The following TNPO1 variants were observed in gnomAD, a reference collection of about 807,000 sequenced individuals.
TNPO1 encodes transportin-1.
In TNPO1, 8 loss-of-function variants were observed where a neutral mutation model predicts 119.5. The observed-to-expected ratio is 0.07, with a 90% confidence interval of 0.04 to 0.12. The LOEUF (loss-of-function observed/expected upper bound fraction) is 0.12. Among genes scored for constraint, TNPO1 ranks in the 10% least tolerant of loss-of-function variants. The pLI, the probability that TNPO1 is intolerant of heterozygous loss-of-function variation, is 1.00. For missense variants in TNPO1, 576 were observed against 1,089.8 expected (o/e 0.53, Z 6.64); for synonymous variants, 362 against 363.0 (o/e 1.00, Z 0.03).
chr5:72,851,322 A>T lies in TNPO1; in HGVS notation c.205+3A>T. On this transcript the variant is annotated splice_donor_region_variant and intron_variant, in intron 3 of 24. Coordinates refer to ENST00000337273, the MANE Select transcript of TNPO1 (RefSeq NM_002270.4). ...TCTTACAAAATTAAAATCTGAAGGT[A>T]AGTAGGATTTGTATTGATAACTATT... 1 of 1,524,554 alleles carries T rather than the reference A, an allele frequency of 6.6e-7. No individual in the cohort carries two copies. Among genetic ancestry groups the T allele is most frequent in the South Asian group, 1.1e-5 (1 of 87,866 alleles). The allele number at this position is 1,524,554 out of a possible 1,614,324, so 94.4% of individuals were successfully genotyped here. A position where few individuals can be genotyped will look rare whatever the true frequency, so the allele number is the denominator to read the frequency against.
chr5:72,848,620 C>T, intron 2 of TNPO1, 122 bp downstream of exon 2: 1 of 421,502 alleles, frequency 2.4e-6, no homozygotes, highest in Non-Finnish European at 3.9e-6. Context: ...CGAGACCGGC[C>T]TCCTCCCTGG....
chr5:72,879,127 T>C, intron 9 of TNPO1: 1 of 205,040 alleles, frequency 4.9e-6, no homozygotes, highest in Non-Finnish European at 1.0e-5. Flanking sequence ...TTTCCTTTGG[T>C]TCTGGAGACC....
At chr5:72,838,915 T>C (rs1744803213) in intron 1 of TNPO1, among the ~76,000 whole-genome samples, 1 of 152,136 alleles carries the variant, frequency 6.6e-6, no homozygotes, top group Non-Finnish European at 1.5e-5. Flanking sequence ...GTTTTGAAAA[T>C]TAAATGAGGT....
At chr5:72,819,175 G>A (rs1029417232) in intron 1 of TNPO1, among the ~76,000 whole-genome samples, 1 of 152,178 alleles carries the variant, frequency 6.6e-6, no homozygotes, top group African/African-American at 2.4e-5. Context: ...TAACCTGCTA[G>A]AGAAGGTCAA....
At chr5:72,832,542 A>T (rs1744519711) in intron 1 of TNPO1, among the ~76,000 whole-genome samples, 1 of 152,162 alleles carries the variant, frequency 6.6e-6, no homozygotes, top group South Asian at 2.1e-4. Context: ...GGAAATGCCT[A>T]AGAGATGTTG....
chr5:72,840,390 A>G (rs1361529100), intron 1 of TNPO1, among the ~76,000 whole-genome samples: 1 of 152,170 alleles, frequency 6.6e-6, no homozygotes, highest in Non-Finnish European at 1.5e-5. Flanking sequence ...TATTTAAAGA[A>G]TTTAACATAA....
chr5:72,884,746 A>G (rs1580454066), intron 11 of TNPO1, among the ~76,000 whole-genome samples: 1 of 151,048 alleles, frequency 6.6e-6, no homozygotes, highest in East Asian at 1.9e-4. Flanking sequence ...TTTGGGCCAC[A>G]TAATTCTTTT....
intron 24 of TNPO1, among the ~76,000 whole-genome samples, chr5:72,907,051 T>C (rs1386378581): frequency 6.6e-6 from 1 of 152,132 alleles, no homozygotes; most frequent in Non-Finnish European, 1.5e-5. Flanking sequence ...GATTTCACCA[T>C]CCAAGCTGTC....
intron 5 of TNPO1, among the ~76,000 whole-genome samples, chr5:72,863,642 T>C (rs1476604850): frequency 6.6e-6 from 1 of 151,484 alleles, no homozygotes; most frequent in African/African-American, 2.4e-5. Context: ...ATGCCTGTAA[T>C]CTCAGCTACT....
chr5:72,863,975 A>G (rs1340052390), intron 5 of TNPO1, among the ~76,000 whole-genome samples: 2 of 152,188 alleles, frequency 1.3e-5, no homozygotes, highest in Non-Finnish European at 2.9e-5. Flanking sequence ...CATACTGTAA[A>G]TAAACAATAT....
chr5:72,895,432 G>A (rs1271554949), intron 18 of TNPO1, among the ~76,000 whole-genome samples: 2 of 151,706 alleles, frequency 1.3e-5, no homozygotes, highest in East Asian at 1.9e-4. Context: ...TTTGCCATTC[G>A]GGGAACATTT....
At chr5:72,905,085 T>C (rs1184039445) in intron 23 of TNPO1, among the ~76,000 whole-genome samples, 1 of 152,156 alleles carries the variant, frequency 6.6e-6, no homozygotes, top group South Asian at 2.1e-4. Context: ...CCACAACACG[T>C]GGGAATTATG....
chr5:72,841,881 A>T (rs1396721370), intron 1 of TNPO1, among the ~76,000 whole-genome samples: 12 of 138,606 alleles, frequency 8.7e-5, no homozygotes, highest in Non-Finnish European at 3.1e-5. Flanking sequence ...ATTTTTCTGT[A>T]AAAAAAAAAA....
intron 9 of TNPO1, among the ~76,000 whole-genome samples, chr5:72,877,574 T>G (rs1018045269): frequency 3.9e-5 from 6 of 152,224 alleles, no homozygotes; most frequent in Admixed American, 3.3e-4. Context: ...TCGGATAATT[T>G]ACAGCACAGT....
intron 6 of TNPO1, 122 bp downstream of exon 6, chr5:72,865,851 G>A (rs908624083): frequency 1.9e-6 from 2 of 1,056,942 alleles, no homozygotes; most frequent in South Asian, 1.7e-5. Flanking sequence ...GTTCCAGAGA[G>A]GTGAACTTAT....
intron 4 of TNPO1, among the ~76,000 whole-genome samples, chr5:72,856,520 A>G (rs1188220270): frequency 1.3e-5 from 2 of 148,420 alleles, no homozygotes; most frequent in African/African-American, 4.9e-5. Flanking sequence ...GGCCTGAGCC[A>G]TGGCGCCTGG....
chr5:72,865,452 T>A (rs1746809371), intron 5 of TNPO1, 144 bp from the exon 6 acceptor site: 3 of 928,280 alleles, frequency 3.2e-6, no homozygotes, highest in Non-Finnish European at 4.7e-6. Context: ...AAAAAAAAAT[T>A]GAAGGATTAA....
intron 8 of TNPO1, 127 bp downstream of exon 8, chr5:72,875,864 A>T (rs766486929): frequency 1.3e-5 from 15 of 1,171,550 alleles, no homozygotes; most frequent in Non-Finnish European, 1.6e-5. Context: ...ATTATAAGTT[A>T]TCTTTGTGGG....
Position 72,910,240 on chromosome 5 carries a change from A to G in TNPO1, c.*1567A>G, listed in dbSNP as rs1395541529. 1 of 152,572 alleles carries G rather than the reference A, an allele frequency of 6.6e-6. No homozygotes were observed. The highest frequency in any genetic ancestry group is 1.5e-5 in the Non-Finnish European group (1 of 68,004). 9.5% of individuals were successfully genotyped at this position (152,572 alleles called of 1,614,324 possible). A position where few individuals can be genotyped will look rare whatever the true frequency, so the allele number is the denominator to read the frequency against. ...AGCTACAGAGTGAAAGTTGGTTTGGATCCTCTTCATTTCATTTGTTTAGCT... is the reference window on the plus strand; with the variant it reads ...AGCTACAGAGTGAAAGTTGGTTTGGGTCCTCTTCATTTCATTTGTTTAGCT... On this transcript the variant is annotated 3_prime_UTR_variant, in exon 25 of 25. Coordinates refer to ENST00000337273, the MANE Select transcript of TNPO1 (RefSeq NM_002270.4).
Sources: allele counts gnomAD v4.1 joint callset (sites outside exome capture counted in the v4.1 genomes callset), GRCh38; gene constraint gnomAD v4.1.1; transcripts MANE v1.5; gene names NCBI Gene and HGNC (gene_info 2026-07-23, HGNC 2026-07-21).